The following NEDD1 variants were observed in gnomAD, a reference collection of about 807,000 sequenced individuals.
NEDD1 encodes NEDD1 gamma-tubulin ring complex targeting factor.
In NEDD1, 33 loss-of-function variants were observed where a neutral mutation model predicts 74.0. That is an observed-to-expected ratio of 0.45 (90% CI 0.34 to 0.60). NEDD1 has a LOEUF of 0.60. Among genes scored for constraint, NEDD1 ranks in the 20% least tolerant of loss-of-function variants. NEDD1 has a pLI of 0.01. For missense variants in NEDD1, 746 were observed against 776.5 expected (o/e 0.96, Z 0.47); for synonymous variants, 250 against 264.4 (o/e 0.95, Z 0.53).
At chr12:96,938,245 A>T (rs918099623) in intron 9 of NEDD1, among the ~76,000 whole-genome samples, 2 of 151,964 alleles carry the variant, frequency 1.3e-5, no homozygotes, top group Admixed American at 1.3e-4. Flanking sequence ...TTTCCTGTGA[A>T]TATCTGTATC....
chr12:96,928,831 C>T (rs929769849), intron 6 of NEDD1, among the ~76,000 whole-genome samples: 6 of 151,520 alleles, frequency 4.0e-5, no homozygotes, highest in African/African-American at 7.3e-5. Context: ...CGACTACAGG[C>T]GCCTGCTACC....
Position 96,945,755 on chromosome 12 carries a change from G to A in NEDD1, c.1717G>A (p.Asp573Asn), listed in dbSNP as rs750670058. 1.0e-5 allele frequency: 16 copies of A among 1,607,472 alleles called. No homozygotes were observed. The highest frequency in any genetic ancestry group is 3.3e-5 in the South Asian group (3 of 90,946). ...CAGTTCACTCTCAGAAAAAATAGCC[G>A]ACAGCATTGGAAATAACCGGCAAAA... ...VASSLSEKIADSIGNNRQNAP... is the reference protein window; with the variant it reads ...VASSLSEKIANSIGNNRQNAP... Residue 573 changes from aspartate to asparagine, a missense_variant, in exon 14 of 16, where the codon GAC becomes AAC. Asp to Asn is a conservative substitution (Grantham distance 23, BLOSUM62 1). This residue lies in a region of NEDD1 where 706 missense variants were observed against 706.7 expected (regional missense o/e 1.00). Coordinates refer to ENST00000266742, the MANE Select transcript of NEDD1 (RefSeq NM_152905.4).
intron 6 of NEDD1, among the ~76,000 whole-genome samples, chr12:96,930,811 C>A (rs1429934154): frequency 2.0e-5 from 3 of 152,128 alleles, no homozygotes; most frequent in African/African-American, 4.8e-5. Flanking sequence ...TGCTTTTCTA[C>A]ATACACATAC....
rs1031795729 is a variant in NEDD1, at chr12:96,912,739, A to T, written c.153A>T (p.Thr51=). ...CTCATTTAGATAACTTTTTAGTAACAGCATCTTCCAGTGGCGACAAAATAG... is the reference window on the plus strand; with the variant it reads ...CTCATTTAGATAACTTTTTAGTAACTGCATCTTCCAGTGGCGACAAAATAG... ...CWSSNNNFLV[T]ASSSGDKIVV... is the part of the protein sequence containing the mutation. The change falls in exon 4 of 16, where the codon ACA becomes ACT. Residue 51 remains threonine, a synonymous_variant. Transcript: ENST00000266742. 2 of 1,590,978 alleles carry T rather than the reference A, an allele frequency of 1.3e-6. No individual in the cohort carries two copies. Among genetic ancestry groups the T allele is most frequent in the Non-Finnish European group, 1.7e-6 (2 of 1,159,622 alleles).
chr12:96,930,054 C>T (rs1018430913), intron 6 of NEDD1, among the ~76,000 whole-genome samples: 1 of 151,860 alleles, frequency 6.6e-6, no homozygotes, highest in African/African-American at 2.4e-5. Context: ...GACCTCTCAG[C>T]ATGTGTTTGG....
At chr12:96,926,974 G>GA (rs1165418250) in intron 6 of NEDD1, among the ~76,000 whole-genome samples, 1,402 of 119,146 alleles carry the variant, frequency 0.012, 57 homozygotes, top group East Asian at 0.11. Flanking sequence ...GTGACAGAGC[G>GA]AAAAAAAAAA....
rs980615945 is a variant in NEDD1, at chr12:96,943,306, A to G, written c.1295-254A>G. Among the ~76,000 whole-genome samples the G allele has an allele frequency of 4.6e-5, 7 of 152,178 alleles. No individual in the cohort carries two copies. In the East Asian group the frequency reaches 1.3e-3, roughly 29 times the overall value. On this transcript the variant is annotated intron_variant, in intron 11 of 15. Transcript: ENST00000266742. ...TTTTCAAAGTATTTTCACAAATAAT[A>G]TCTTTGAAGCCTTACCACTCTGGGA... is the stretch of plus-strand genomic sequence containing the variant.
chr12:96,942,550 A>G (rs963514683), intron 10 of NEDD1, 27 bp from the exon 11 acceptor site: 1 of 1,235,140 alleles, frequency 8.1e-7, no homozygotes, highest in South Asian at 1.3e-5. Flanking sequence ...CACTAGTTTT[A>G]AAATTTGATT....
At chr12:96,937,440 TG>T (rs748465459) in intron 9 of NEDD1, 47 bp downstream of exon 9, 22 of 1,054,874 alleles carry the variant, frequency 2.1e-5, no homozygotes, top group Middle Eastern at 4.3e-4. Flanking sequence ...GTTTTTTTTT[TG>T]TTTTTTTGTT....
chr12:96,916,653 CATT>C (rs1300732277), intron 4 of NEDD1, among the ~76,000 whole-genome samples: 3 of 149,934 alleles, frequency 2.0e-5, no homozygotes, highest in African/African-American at 7.4e-5. Context: ...TCCAGTCTAT[CATT>C]GTTGGACATT....
chr12:96,941,691 G>A (rs980293932), intron 10 of NEDD1, among the ~76,000 whole-genome samples: 3 of 152,078 alleles, frequency 2.0e-5, no homozygotes, highest in Non-Finnish European at 2.9e-5. Flanking sequence ...TTTTGGAAGT[G>A]TTTGAGTTAT....
chr12:96,942,653 A>C, intron 11 of NEDD1, 29 bp downstream of exon 11: 1 of 1,202,530 alleles, frequency 8.3e-7, no homozygotes, highest in Non-Finnish European at 1.2e-6. Context: ...TATTTTCGTG[A>C]AAATGAAAAG....
At chr12:96,935,267 A>G (rs1023376713) in intron 7 of NEDD1, 62 bp downstream of exon 7, 1 of 1,002,250 alleles carries the variant, frequency 1.0e-6, no homozygotes, top group South Asian at 1.4e-5. Context: ...ATTAACAGGC[A>G]TATTTGTGAT....
intron 3 of NEDD1, among the ~76,000 whole-genome samples, chr12:96,911,738 G>C (rs1752327206): frequency 6.6e-6 from 1 of 152,096 alleles, no homozygotes; most frequent in South Asian, 2.1e-4. Context: ...GTCAAGGAAA[G>C]GGAAATGGTT....
intron 14 of NEDD1, among the ~76,000 whole-genome samples, chr12:96,950,331 A>G (rs930850105): frequency 1.1e-4 from 16 of 152,018 alleles, no homozygotes; most frequent in Non-Finnish European, 2.2e-4. Context: ...ACATCCATTG[A>G]TAACTACCTT....
chr12:96,925,797 T>C (rs1421735237), intron 6 of NEDD1, among the ~76,000 whole-genome samples: 1 of 152,220 alleles, frequency 6.6e-6, no homozygotes, highest in East Asian at 1.9e-4. Flanking sequence ...TTATCTCTTA[T>C]CTAAGATCAG....
intron 2 of NEDD1, 126 bp downstream of exon 2, chr12:96,907,982 GCCTCAGTGATCTAC>G: frequency 1.4e-6 from 1 of 727,286 alleles, no homozygotes; most frequent in Non-Finnish European, 1.9e-6. Flanking sequence ...CTGAGCCCAG[GCCTCAGTGATCTAC>G]CCACTACACC....
chr12:96,935,459 A>G lies in NEDD1; in HGVS notation c.719+254A>G, dbSNP rs191056574. On this transcript the variant is annotated intron_variant, in intron 7 of 15. Coordinates refer to ENST00000266742, the MANE Select transcript of NEDD1 (RefSeq NM_152905.4). ...AATGATTTCACATTTTAATTTTAGC[A>G]TCTTTTCCACAATATGATAAAATGC... Among the ~76,000 whole-genome samples the G allele has an allele frequency of 1.3e-3, 191 of 152,318 alleles. 1 individual carries two copies. The highest frequency in any genetic ancestry group is 2.2e-3 in the Admixed American group (33 of 15,302).
intron 9 of NEDD1, 52 bp from the exon 10 acceptor site, chr12:96,940,357 T>G (rs559467781): frequency 1.7e-6 from 2 of 1,153,326 alleles, no homozygotes; most frequent in African/African-American, 3.1e-5. Context: ...TAGCTTATGA[T>G]AAAATTTATT....
Sources: gnomAD v4.1 joint callset for allele counts (sites outside exome capture counted in the v4.1 genomes callset) on GRCh38, gnomAD v4.1.1 for gene constraint, gnomAD v4.1.1 regional missense constraint, MANE v1.5 for transcripts, NCBI Gene and HGNC (gene_info 2026-07-23, HGNC 2026-07-21) for gene names.